Variants in VRK2 observed in about 807,000 individuals in gnomAD.
The protein encoded by VRK2 is serine/threonine-protein kinase VRK2.
VRK2 carries 60 observed loss-of-function variants against 57.6 expected under a neutral mutation model. The observed-to-expected ratio is 1.04, with a 90% CI of 0.85 to 1.29. The LOEUF is 1.29. Ranked by LOEUF, VRK2 falls within the 50% of genes most tolerant of loss-of-function variation. VRK2 has a pLI of 0.00. For synonymous variants in VRK2, 231 were observed against 199.2 expected, an observed-to-expected ratio of 1.16 and a Z score of -1.35; for missense variants, 705 against 588.1, an observed-to-expected ratio of 1.20 and a Z score of -2.06.
At chr2:57,924,133 G>A (rs2103913870) in intron 1 of VRK2, among the ~76,000 whole-genome samples, 1 of 152,104 alleles carries the variant, frequency 6.6e-6, no homozygotes, top group East Asian at 1.9e-4. Flanking sequence ...CACCTCTGCT[G>A]TATACTTTGA....
At chr2:57,908,071 G>A (rs1480660160) in intron 1 of VRK2, among the ~76,000 whole-genome samples, 1 of 152,120 alleles carries the variant, frequency 6.6e-6, no homozygotes, top group Non-Finnish European at 1.5e-5. Flanking sequence ...CACAAGAGGG[G>A]ATCAAGAGAT....
intron 1 of VRK2, among the ~76,000 whole-genome samples, chr2:57,930,743 C>A (rs1049974511): frequency 2.9e-4 from 44 of 152,106 alleles, no homozygotes; most frequent in African/African-American, 1.0e-3. Context: ...CTCCTCATTT[C>A]TCCCCCAGCC....
intron 1 of VRK2, among the ~76,000 whole-genome samples, chr2:57,911,152 C>T (rs1192054674): frequency 6.6e-6 from 1 of 151,720 alleles, no homozygotes; most frequent in African/African-American, 2.4e-5. Context: ...TCTCATTACT[C>T]TCACCAGTTA....
intron 1 of VRK2, among the ~76,000 whole-genome samples, chr2:57,984,914 A>G (rs1672547653): frequency 1.3e-5 from 2 of 152,196 alleles, no homozygotes; most frequent in Admixed American, 1.3e-4. Flanking sequence ...GGAAGATATA[A>G]TTAAATAGGA....
chr2:58,133,784 G>A (rs1408708545), intron 9 of VRK2, among the ~76,000 whole-genome samples: 3 of 152,108 alleles, frequency 2.0e-5, no homozygotes, highest in Non-Finnish European at 4.4e-5. Context: ...CCACAAACCT[G>A]TTTAATCATG....
intron 12 of VRK2, among the ~76,000 whole-genome samples, chr2:58,152,806 C>T (rs886711513): frequency 2.0e-5 from 3 of 151,888 alleles, no homozygotes. Flanking sequence ...TCCCTATACC[C>T]TTACCTACCC....
intron 1 of VRK2, among the ~76,000 whole-genome samples, chr2:57,913,260 G>A (rs1304539594): frequency 1.3e-5 from 2 of 152,052 alleles, no homozygotes; most frequent in Non-Finnish European, 2.9e-5. Flanking sequence ...CGCAAGTCAT[G>A]GAAACTCATG....
chr2:58,084,739 A>G, intron 3 of VRK2, 142 bp from the exon 4 acceptor site: 2 of 524,792 alleles, frequency 3.8e-6, no homozygotes, highest in Non-Finnish European at 6.6e-6. Context: ...TTTAGTGGAA[A>G]TCTGGTGCCT....
At chr2:58,111,481 G>A (rs1675557940) in intron 7 of VRK2, among the ~76,000 whole-genome samples, 1 of 152,124 alleles carries the variant, frequency 6.6e-6, no homozygotes, top group Non-Finnish European at 1.5e-5. Context: ...GTCTGGGCGT[G>A]GCAGCTCACG....
chr2:58,026,561 G>A (rs1673934942), intron 2 of VRK2, among the ~76,000 whole-genome samples: 1 of 152,112 alleles, frequency 6.6e-6, no homozygotes, highest in Admixed American at 6.5e-5. Flanking sequence ...TTTTAAAAGA[G>A]TATGGTTCTG....
At chr2:58,142,571 G>A (rs1468298834) in intron 11 of VRK2, among the ~76,000 whole-genome samples, 3 of 151,636 alleles carry the variant, frequency 2.0e-5, no homozygotes, top group South Asian at 2.1e-4. Flanking sequence ...AGTTAGCACC[G>A]CCAATCAAAT....
Position 57,936,819 on chromosome 2 carries a change from G to C in VRK2, c.-439+28980G>C, listed in dbSNP as rs139534812. 8.3e-3 allele frequency among the ~76,000 whole-genome samples: 1,261 copies of C among 152,214 alleles called. 54 individuals carry two copies. Among genetic ancestry groups the C allele is most frequent in the Admixed American group, 0.077 (1,182 of 15,290 alleles). ...CTCAATAAAAATTTCTAAAAGTTTAGTTGTTAGTAATCCAGCTCTGCATTC... is the reference window on the plus strand; with the variant it reads ...CTCAATAAAAATTTCTAAAAGTTTACTTGTTAGTAATCCAGCTCTGCATTC... On this transcript the variant is annotated intron_variant, in intron 1 of 15. Coordinates refer to the VRK2 transcript ENST00000417641.
chr2:58,025,097 T>C (rs1673884410), intron 1 of VRK2, among the ~76,000 whole-genome samples: 1 of 152,202 alleles, frequency 6.6e-6, no homozygotes, highest in African/African-American at 2.4e-5. Flanking sequence ...GAACACCATA[T>C]GCAGTTTAGT....
intron 2 of VRK2, among the ~76,000 whole-genome samples, chr2:58,060,146 AC>A (rs1191735470): frequency 3.3e-5 from 5 of 151,956 alleles, no homozygotes; most frequent in Admixed American, 3.3e-4. Context: ...AAAATCCCAC[AC>A]AAGACACTTC....
chr2:57,969,514 G>C (rs1672027094), intron 1 of VRK2, among the ~76,000 whole-genome samples: 1 of 151,784 alleles, frequency 6.6e-6, no homozygotes, highest in Non-Finnish European at 1.5e-5. Context: ...CTAAGTTTTT[G>C]GAGTAAAACT....
At chr2:57,915,960 AAC>A (rs1488693642) in intron 1 of VRK2, among the ~76,000 whole-genome samples, 2 of 152,112 alleles carry the variant, frequency 1.3e-5, no homozygotes, top group Non-Finnish European at 2.9e-5. Context: ...GATGAGGTGA[AAC>A]AGTTTCATCC....
chr2:58,061,582 GTAAA>G, intron 2 of VRK2, among the ~76,000 whole-genome samples: 1 of 152,032 alleles, frequency 6.6e-6, no homozygotes, highest in Admixed American at 6.6e-5. Flanking sequence ...GCACATGTAA[GTAAA>G]CAGTAAAGCA....
Position 58,088,432 on chromosome 2 carries a change from T to G in VRK2, c.436T>G (p.Leu146Val), listed in dbSNP as rs1312718976. 1.9e-6 allele frequency: 3 copies of G among 1,610,336 alleles called. No individual in the cohort carries two copies. The East Asian group carries it at 6.7e-5, about 36-fold the overall frequency. Residue 146 changes from leucine (L) to valine (V), a missense_variant, in exon 6 of 13, where the codon TTA (leucine) becomes GTA (valine). Transcript: ENST00000340157. ...CTTTAAAAAGTCAACTGTCCTGCAATTAGGTATCCGAATGGTAAGAATTAC... is the reference window on the plus strand; with the variant it reads ...CTTTAAAAAGTCAACTGTCCTGCAAGTAGGTATCCGAATGGTAAGAATTAC... ...GTFKKSTVLQ[L>V]GIRMLDVLEY...
At chr2:57,931,343 G>A (rs1325059712) in intron 1 of VRK2, among the ~76,000 whole-genome samples, 2 of 151,878 alleles carry the variant, frequency 1.3e-5, no homozygotes. Context: ...TTTCATTATG[G>A]TTTTGATTTC....
Sources: gnomAD v4.1 joint callset for allele counts (sites outside exome capture counted in the v4.1 genomes callset) on GRCh38, gnomAD v4.1.1 for gene constraint, MANE v1.5 for transcripts, NCBI Gene and HGNC (gene_info 2026-07-23, HGNC 2026-07-21) for gene names.